The following VWA5B1 variants were observed in gnomAD, a reference collection of about 807,000 sequenced individuals.
VWA5B1 encodes the protein von Willebrand factor A domain-containing protein 5B1.
A neutral mutation model predicts 118.2 loss-of-function variants in VWA5B1; 115 were observed. The ratio of observed to expected loss-of-function variants is 0.97; its 90% CI spans 0.84 to 1.14. The LOEUF (loss-of-function observed/expected upper bound fraction) is 1.14, where lower values mean the gene tolerates loss of function less well. Ranked by LOEUF, VWA5B1 falls within the 50% of genes most tolerant of loss-of-function variation. VWA5B1 has a pLI of 0.00. For missense variants in VWA5B1, 1,596 were observed against 1,603.8 expected (o/e 1.00, Z 0.08); for synonymous variants, 682 against 658.4 (o/e 1.04, Z -0.55).
chr1:20,343,793 C>T (rs79518087), intron 16 of VWA5B1, among the ~76,000 whole-genome samples: 6,547 of 33,596 alleles, frequency 0.19, 1,088 homozygotes, highest in East Asian at 0.27. Context: ...ACCCGCCCCC[C>T]CTCTCCCGTC....
Position 20,298,570 on chromosome 1 carries a change from C to T in VWA5B1, c.-27+7482C>T, listed in dbSNP as rs953919159. On this transcript the variant is annotated intron_variant, in intron 1 of 21. Transcript: ENST00000289815. ...TGTGCCTGGCGCTTTATGCACAGTT[C>T]TCTTTCTCATCATCATGAGGCAGTG... Among the ~76,000 whole-genome samples the T allele has an allele frequency of 3.3e-5, 5 of 152,072 alleles. No homozygotes were observed. In the South Asian group the frequency reaches 1.0e-3, roughly 31 times the overall value.
At position 20,354,030 on chromosome 1, in the gene VWA5B1, C is replaced by A. The variant is rs1372083276; in HGVS notation, c.3415C>A (p.Leu1139Met). 1.2e-5 allele frequency: 19 copies of A among 1,551,582 alleles called. No homozygotes were observed. Among genetic ancestry groups the A allele is most frequent in the Non-Finnish European group, 7.0e-6 (8 of 1,147,014 alleles). Residue 1139 changes from leucine to methionine, a missense_variant, in exon 22 of 22, where the codon CTG becomes ATG. Coordinates refer to ENST00000289815, the MANE Select transcript of VWA5B1 (RefSeq NM_001039500.3). ...GGCAGTGGTGGAGCACACTGGGAAG[C>A]TGTGGGCCACGGTGGTGGGGCTGGC... ...PRAVVEHTGK[L>M]WATVVGLAWL...
chr1:20,339,648 C>G (rs1267709240), intron 14 of VWA5B1, among the ~76,000 whole-genome samples: 1 of 152,042 alleles, frequency 6.6e-6, no homozygotes, highest in African/African-American at 2.4e-5. Context: ...CCTATATGCC[C>G]CCTCCCACTT....
rs1157266376 is a variant in VWA5B1, at chr1:20,359,024, C to T, written c.*4761C>T. On this transcript the variant is annotated 3_prime_UTR_variant, in exon 22 of 22. Transcript: ENST00000289815. ...TAGCCTCTCAACAGCACTGCCTCCC[C>T]GGGTTACCCGATGAGGTGGGATTTT... Among the ~76,000 whole-genome samples, 3 of 152,332 alleles carry T rather than the reference C, an allele frequency of 2.0e-5. No individual in the cohort carries two copies. The highest frequency in any genetic ancestry group is 3.9e-4 in the East Asian group (2 of 5,186).
rs2090228558 is a variant in VWA5B1, at chr1:20,356,319, C to T, written c.*2056C>T. Among the ~76,000 whole-genome samples the T allele has an allele frequency of 6.6e-6, 1 of 152,234 alleles. No homozygotes were observed. The highest frequency in any genetic ancestry group is 2.4e-5 in the African/African-American group (1 of 41,466). ...GGTGCCCTGGAGCTGGGGCTTTCTC[C>T]TGCTCTGACAGTCCCAGACTCTCTG... is the stretch of plus-strand genomic sequence containing the variant. On this transcript the variant is annotated 3_prime_UTR_variant, in exon 22 of 22. Coordinates refer to ENST00000289815, the MANE Select transcript of VWA5B1 (RefSeq NM_001039500.3).
chr1:20,318,186 A>G (rs1428898069), intron 5 of VWA5B1, among the ~76,000 whole-genome samples: 1 of 151,670 alleles, frequency 6.6e-6, no homozygotes, highest in Non-Finnish European at 1.5e-5. Context: ...ACACTAGGAT[A>G]TGGTTTCTTG....
intron 1 of VWA5B1, among the ~76,000 whole-genome samples, chr1:20,300,546 G>A (rs2088484691): frequency 6.6e-6 from 1 of 152,174 alleles, no homozygotes; most frequent in African/African-American, 2.4e-5. Flanking sequence ...CCCACCACCA[G>A]CTCCACCACT....
Position 20,356,322 on chromosome 1 carries a change from C to T in VWA5B1, c.*2059C>T, listed in dbSNP as rs2090228604. On this transcript the variant is annotated 3_prime_UTR_variant, in exon 22 of 22. Coordinates refer to ENST00000289815, the MANE Select transcript of VWA5B1 (RefSeq NM_001039500.3). ...GCCCTGGAGCTGGGGCTTTCTCCTG[C>T]TCTGACAGTCCCAGACTCTCTGCCT... Among the ~76,000 whole-genome samples the T allele has an allele frequency of 6.6e-6, 1 of 152,246 alleles. No individual in the cohort carries two copies. Among genetic ancestry groups the T allele is most frequent in the South Asian group, 2.1e-4 (1 of 4,832 alleles).
intron 1 of VWA5B1, among the ~76,000 whole-genome samples, chr1:20,299,619 G>A (rs1321288531): frequency 6.6e-6 from 1 of 152,186 alleles, no homozygotes; most frequent in African/African-American, 2.4e-5. Context: ...GGCCAGGCTG[G>A]CCTCAAACTC....
chr1:20,330,128 C>G, intron 9 of VWA5B1, 52 bp from the exon 10 acceptor site: 1 of 1,540,610 alleles, frequency 6.5e-7, no homozygotes, highest in African/African-American at 1.4e-5. Context: ...CTTAGGTGGT[C>G]TAGAGTCTCT....
At chr1:20,308,832 C>A (rs751860868) in intron 1 of VWA5B1, among the ~76,000 whole-genome samples, 2 of 152,102 alleles carry the variant, frequency 1.3e-5, no homozygotes, top group African/African-American at 4.8e-5. Flanking sequence ...TGGAGGGGAC[C>A]CAGGGGGAAA....
chr1:20,351,937 C>T, intron 20 of VWA5B1, 118 bp from the exon 21 acceptor site: 2 of 677,150 alleles, frequency 3.0e-6, no homozygotes, highest in Non-Finnish European at 4.9e-6. Context: ...CCTTAGCTAT[C>T]AGATAAGGAG....
At chr1:20,297,612 G>T (rs944593678) in intron 1 of VWA5B1, among the ~76,000 whole-genome samples, 5 of 152,190 alleles carry the variant, frequency 3.3e-5, no homozygotes, top group African/African-American at 1.2e-4. Flanking sequence ...AGGAAATAGG[G>T]GAGAAAGGAC....
At chr1:20,313,220 C>T (rs2088902915) in intron 3 of VWA5B1, among the ~76,000 whole-genome samples, 1 of 152,214 alleles carries the variant, frequency 6.6e-6, no homozygotes, top group Admixed American at 6.5e-5. Flanking sequence ...CTGTAGTCAC[C>T]TCAAAAGTGT....
Position 20,354,244 on chromosome 1 carries a change from A to G in VWA5B1, c.3629A>G (p.Tyr1210Cys), listed in dbSNP as rs1426787228. ...DENLEFNMLC[Y>C]NPNYV Reference sequence around the variant, plus strand: ...AATCTCGAGTTCAATATGCTCTGCTATAACCCGAATTATGTGTAGTTGAGT... The same window carrying G: ...AATCTCGAGTTCAATATGCTCTGCTGTAACCCGAATTATGTGTAGTTGAGT... Residue 1210 changes from tyrosine to cysteine, a missense_variant, in exon 22 of 22, where the codon TAT (tyrosine) becomes TGT (cysteine). By Grantham distance (194) the Tyr-to-Cys change is radical (BLOSUM62 -2). Transcript: ENST00000289815. The G allele has an allele frequency of 6.5e-7, 1 of 1,548,054 alleles. No individual in the cohort carries two copies. Among genetic ancestry groups the G allele is most frequent in the Admixed American group, 2.0e-5 (1 of 50,908 alleles).
chr1:20,349,832 T>G (rs2090089160), intron 18 of VWA5B1, among the ~76,000 whole-genome samples: 1 of 151,070 alleles, frequency 6.6e-6, no homozygotes, highest in Non-Finnish European at 1.5e-5. Context: ...TCTCATTTCA[T>G]CTTTACAACA....
chr1:20,343,339 G>C lies in VWA5B1; in HGVS notation c.2572G>C (p.Ala858Pro). 6.5e-7 allele frequency: 1 copy of C among 1,541,972 alleles called. No individual in the cohort carries two copies. Among genetic ancestry groups the C allele is most frequent in the Middle Eastern group, 1.7e-4 (1 of 5,978 alleles). Residue 858 changes from alanine to proline, a missense_variant, in exon 16 of 22, where the codon GCC (alanine) becomes CCC (proline). Transcript: ENST00000289815. Reference sequence around the variant, plus strand: ...GACCTTCCACCACCTGGCGGCCCGCGCCATCATCCGCGACTTCGAGCAGCT... The same window carrying C: ...GACCTTCCACCACCTGGCGGCCCGCCCCATCATCCGCGACTTCGAGCAGCT... ...SETFHHLAAR[A>P]IIRDFEQLAE...
chr1:20,336,755 G>A (rs910363810), intron 13 of VWA5B1, among the ~76,000 whole-genome samples: 3 of 152,136 alleles, frequency 2.0e-5, no homozygotes, highest in Admixed American at 1.3e-4. Flanking sequence ...GGTACTTATC[G>A]ATTCCTTACT....
intron 3 of VWA5B1, 70 bp from the exon 4 acceptor site, chr1:20,314,252 C>A: frequency 6.7e-7 from 1 of 1,485,800 alleles, no homozygotes; most frequent in South Asian, 1.3e-5. Context: ...CTCACACTTA[C>A]CACAACAGCA....
Sources: gnomAD v4.1 joint callset for allele counts (sites outside exome capture counted in the v4.1 genomes callset) on GRCh38, gnomAD v4.1.1 for gene constraint, MANE v1.5 for transcripts, NCBI Gene and HGNC (gene_info 2026-07-23, HGNC 2026-07-21) for gene names.